CATSPERB: variants seen among roughly 807,000 people sequenced by gnomAD.
The protein encoded by CATSPERB is catsper channel auxiliary subunit beta.
In CATSPERB, 93 loss-of-function variants were observed where a neutral mutation model predicts 128.3. That is an observed-to-expected ratio of 0.72 (90% confidence interval 0.61 to 0.86). The LOEUF is 0.86. Ranked by LOEUF, CATSPERB falls within the 40% of genes least tolerant of loss-of-function variation. CATSPERB has a pLI of 0.00. For synonymous variants in CATSPERB, 381 were observed against 448.8 expected (o/e 0.85, Z 1.91); for missense variants, 1,153 against 1,329.5 (o/e 0.87, Z 2.06).
rs1895329461 is a variant in CATSPERB at position 91,683,924 on chromosome 14, T to C, written c.884A>G (p.Lys295Arg). Residue 295 changes from lysine to arginine, a missense_variant, in exon 11 of 27, where the codon AAA becomes AGA. Physicochemically the swap from Lys to Arg is conservative, Grantham distance 26. Coordinates refer to ENST00000256343, the MANE Select transcript of CATSPERB (RefSeq NM_024764.4). Reference protein sequence around the residue: ...GFERVDYVKGKLWYNERCFAN... With the variant: ...GFERVDYVKGRLWYNERCFAN... ...AAAACATCTTTCATTATACCACAGT[T>C]TTCCTTTCACATAGTCAACCTACAT... 3.1e-6 allele frequency: 5 copies of C among 1,605,224 alleles called. No homozygotes were observed. The East Asian group carries it at 1.1e-4, about 36-fold the overall frequency.
intron 14 of CATSPERB, among the ~76,000 whole-genome samples, chr14:91,661,551 A>ATATATATATATAT (rs1555362525): frequency 2.7e-5 from 4 of 148,016 alleles, no homozygotes; most frequent in African/African-American, 7.5e-5. Context: ...ATATATATTT[A>ATATATATATATAT]AGACAGGGTC....
At chr14:91,612,889 C>G (rs958677617) in intron 20 of CATSPERB, among the ~76,000 whole-genome samples, 1 of 152,114 alleles carries the variant, frequency 6.6e-6, no homozygotes, top group Non-Finnish European at 1.5e-5. Flanking sequence ...ACAACTGACC[C>G]AATTTCTACA....
intron 24 of CATSPERB, among the ~76,000 whole-genome samples, chr14:91,588,938 G>A (rs146866577): frequency 3.3e-5 from 5 of 152,238 alleles, no homozygotes; most frequent in African/African-American, 9.6e-5. Context: ...ACATATTAAT[G>A]GCTGACCAAA....
chr14:91,626,677 A>T (rs549419869), intron 17 of CATSPERB, among the ~76,000 whole-genome samples: 2 of 152,152 alleles, frequency 1.3e-5, no homozygotes, highest in South Asian at 4.2e-4. Flanking sequence ...GGGATGACGG[A>T]GCATGAGGCC....
intron 22 of CATSPERB, 84 bp from the exon 23 acceptor site, chr14:91,592,086 TTCC>T: frequency 2.3e-6 from 2 of 862,528 alleles, no homozygotes; most frequent in Non-Finnish European, 3.9e-6. Flanking sequence ...TAAATATTTA[TTCC>T]CTGAAGAAGT....
chr14:91,666,446 T>C (rs1595170997), intron 14 of CATSPERB, among the ~76,000 whole-genome samples: 1 of 152,176 alleles, frequency 6.6e-6, no homozygotes, highest in Admixed American at 6.5e-5. Context: ...AAGCAGGCCC[T>C]AGTACAAGCT....
At chr14:91,611,580 A>G (rs1484860564) in intron 20 of CATSPERB, among the ~76,000 whole-genome samples, 1 of 152,218 alleles carries the variant, frequency 6.6e-6, no homozygotes, top group Admixed American at 6.5e-5. Context: ...ACTGCACTCC[A>G]GACTGGGTGA....
At chr14:91,589,795 G>A in intron 23 of CATSPERB, 126 bp from the exon 24 acceptor site, 2 of 796,902 alleles carry the variant, frequency 2.5e-6, no homozygotes, top group East Asian at 5.4e-5. Context: ...CTCCTGAGGG[G>A]TTTCTGCCTT....
rs543215008 is a variant in CATSPERB, at chr14:91,620,549, G to A, written c.2260+1059C>T. Among the ~76,000 whole-genome samples the A allele has an allele frequency of 2.6e-5, 4 of 151,088 alleles. No individual in the cohort carries two copies. The East Asian group carries it at 7.8e-4, about 29-fold the overall frequency. ...TCTCAGTTATTTACTAAAATTTTTT[G>A]TTTTATTTTTTCCATTGTGCTATTT... On this transcript the variant is annotated intron_variant, in intron 19 of 26. Transcript: ENST00000256343.
At chr14:91,636,362 C>T in intron 17 of CATSPERB, 63 bp downstream of exon 17, 1 of 1,519,196 alleles carries the variant, frequency 6.6e-7, no homozygotes, top group Non-Finnish European at 9.0e-7. Flanking sequence ...GACCCTATCT[C>T]AAAAAATTTA....
chr14:91,581,113 A>G lies in CATSPERB; in HGVS notation c.3133-6T>C. ...GGTGCCTCATCAACATAAATCTGCA[A>G]CAGAAAAAGCAAAGTCTTTAAGCTT... On this transcript the variant is annotated splice_polypyrimidine_tract_variant and splice_region_variant and intron_variant, in intron 26 of 26. Transcript: ENST00000256343. 1 of 1,610,120 alleles carries G rather than the reference A, an allele frequency of 6.2e-7. No homozygotes were observed. The highest frequency in any genetic ancestry group is 8.5e-7 in the Non-Finnish European group (1 of 1,177,672).
chr14:91,610,109 G>GA (rs1257988572), intron 21 of CATSPERB, among the ~76,000 whole-genome samples: 1 of 152,022 alleles, frequency 6.6e-6, no homozygotes, highest in Non-Finnish European at 1.5e-5. Context: ...TATATTTCTT[G>GA]AAAAAAATCC....
At chr14:91,661,236 A>G (rs937414753) in intron 14 of CATSPERB, among the ~76,000 whole-genome samples, 3 of 152,226 alleles carry the variant, frequency 2.0e-5, no homozygotes, top group Admixed American at 6.5e-5. Context: ...CTGTTTTTCT[A>G]TAAGTTACAT....
intron 16 of CATSPERB, among the ~76,000 whole-genome samples, chr14:91,636,876 T>C (rs1894385244): frequency 6.6e-6 from 1 of 152,204 alleles, no homozygotes. Context: ...ATTGTGGGTG[T>C]GTGAGGAGCC....
Position 91,697,465 on chromosome 14 carries a change from C to G in CATSPERB, c.617-3986G>C, listed in dbSNP as rs61988227. ...GTGGACAGAGTGTACGATGCAGATA[C>G]TACGGATTTCAGAGCTAATGACATT... On this transcript the variant is annotated intron_variant, in intron 7 of 26. Transcript: ENST00000256343. Among the ~76,000 whole-genome samples the G allele has an allele frequency of 4.8e-3, 724 of 152,234 alleles. 4 individuals are homozygous for G. Among genetic ancestry groups the G allele is most frequent in the Non-Finnish European group, 7.9e-3 (538 of 68,020 alleles).
intron 22 of CATSPERB, among the ~76,000 whole-genome samples, chr14:91,594,356 T>C (rs1412442595): frequency 6.6e-6 from 1 of 152,060 alleles, no homozygotes; most frequent in East Asian, 1.9e-4. Context: ...AGGGATAGCA[T>C]TAGGAGATAT....
At chr14:91,615,151 C>T (rs564030691) in intron 20 of CATSPERB, among the ~76,000 whole-genome samples, 2 of 152,162 alleles carry the variant, frequency 1.3e-5, no homozygotes, top group African/African-American at 4.8e-5. Flanking sequence ...AGGAACCTGG[C>T]CTTACAGCAG....
chr14:91,622,893 C>CTTTTTTTT (rs11432858), intron 18 of CATSPERB, among the ~76,000 whole-genome samples: 2 of 127,828 alleles, frequency 1.6e-5, no homozygotes, highest in African/African-American at 3.0e-5. Flanking sequence ...TTCTCAATGA[C>CTTTTTTTT]TTTTTTTTTT....
At chr14:91,630,724 C>A (rs888927688) in intron 17 of CATSPERB, among the ~76,000 whole-genome samples, 16 of 152,332 alleles carry the variant, frequency 1.1e-4, no homozygotes, top group African/African-American at 3.4e-4. Context: ...CTTCTACTCA[C>A]ACCCTGTCCC....
Sources: allele counts gnomAD v4.1 joint callset (sites outside exome capture counted in the v4.1 genomes callset), GRCh38; gene constraint gnomAD v4.1.1; transcripts MANE v1.5; gene names NCBI Gene and HGNC (gene_info 2026-07-23, HGNC 2026-07-21).